Variants in OPA1 observed in about 807,000 individuals in gnomAD.
OPA1 encodes the protein OPA1 mitochondrial dynamin like GTPase.
In OPA1, 59 loss-of-function variants were observed where a neutral mutation model predicts 152.9. The ratio of observed to expected loss-of-function variants is 0.39; its 90% CI spans 0.31 to 0.48. The LOEUF (loss-of-function observed/expected upper bound fraction) is 0.48. OPA1 is among the 20% of genes least tolerant of loss of function. The pLI, the probability that OPA1 is intolerant of heterozygous loss-of-function variation, is 0.96. For synonymous variants in OPA1, 400 were observed against 389.9 expected (o/e 1.03, Z -0.31); for missense variants, 1,008 against 1,216.8 (o/e 0.83, Z 2.55).
chr3:193,668,959 G>A, intron 29 of OPA1: 1 of 695,958 alleles, frequency 1.4e-6, no homozygotes, highest in Non-Finnish European at 1.8e-6. Context: ...CTTGTTACAA[G>A]TTTCACTGAC....
At chr3:193,617,889 A>C in intron 5 of OPA1, 52 bp downstream of exon 5, 1 of 1,291,470 alleles carries the variant, frequency 7.7e-7, no homozygotes, top group Non-Finnish European at 1.1e-6. Context: ...AAATGCTTCT[A>C]ATAAACTAGT....
chr3:193,617,365 AT>A, intron 4 of OPA1, 80 bp downstream of exon 4: 5 of 823,708 alleles, frequency 6.1e-6, no homozygotes, highest in Non-Finnish European at 8.0e-6. Context: ...GTTTATTCCC[AT>A]TTTTTTAAAA....
At chr3:193,659,940 G>A (rs570490801) in intron 25 of OPA1, among the ~76,000 whole-genome samples, 1 of 152,044 alleles carries the variant, frequency 6.6e-6, no homozygotes, top group South Asian at 2.1e-4. Flanking sequence ...GAGTTAAGGA[G>A]TTCGAGACCA....
At position 193,644,400 on chromosome 3, in the gene OPA1, G is replaced by A. The variant is rs11916478; in HGVS notation, c.1608+295G>A. ...GACTCAGCTCCTAAGGTTTTCATCG[G>A]AGGTTAGTCATTTCGGCACCCTCAT... On this transcript the variant is annotated intron_variant, in intron 16 of 30. Transcript: ENST00000361510. 0.43 allele frequency among the ~76,000 whole-genome samples: 64,654 copies of A among 151,852 alleles called. 14,033 individuals are homozygous for A. Among genetic ancestry groups the A allele is most frequent in the Non-Finnish European group, 0.43 (29,457 of 67,926 alleles).
intron 1 of OPA1, among the ~76,000 whole-genome samples, chr3:193,611,459 T>A (rs1728224040): frequency 1.3e-5 from 2 of 152,018 alleles, no homozygotes; most frequent in African/African-American, 4.8e-5. Flanking sequence ...TAGCTGGGCA[T>A]GGTGGCACAC....
At chr3:193,633,476 C>T (rs1052488225) in intron 8 of OPA1, among the ~76,000 whole-genome samples, 4 of 152,176 alleles carry the variant, frequency 2.6e-5, no homozygotes, top group African/African-American at 9.7e-5. Context: ...AAATTCTACC[C>T]TCTTATATGC....
chr3:193,692,139 A>T lies in OPA1; in HGVS notation c.*5+7A>T. 1.4e-6 allele frequency: 2 copies of T among 1,440,498 alleles called. No homozygotes were observed. The highest frequency in any genetic ancestry group is 1.9e-6 in the Non-Finnish European group (2 of 1,038,558). 89.2% of individuals were successfully genotyped at this position (1,440,498 alleles called of 1,614,324 possible). A position where few individuals can be genotyped will look rare whatever the true frequency, so the allele number is the denominator to read the frequency against. On this transcript the variant is annotated splice_region_variant and intron_variant, in intron 30 of 30. Coordinates refer to ENST00000361510, the MANE Select transcript of OPA1 (RefSeq NM_130837.3). ...ATCAGGAGAAATAAATTAAGTGAGTAAAAATTCTCTAACTGTATTGGTGCT... is the reference window on the plus strand; with the variant it reads ...ATCAGGAGAAATAAATTAAGTGAGTTAAAATTCTCTAACTGTATTGGTGCT...
At chr3:193,659,387 C>G in intron 24 of OPA1, 95 bp from the exon 25 acceptor site, 1 of 1,061,076 alleles carries the variant, frequency 9.4e-7, no homozygotes. Context: ...ATTGATATAG[C>G]ACTTTGAAAT....
chr3:193,688,846 TGTG>T (rs1721302095), intron 29 of OPA1, among the ~76,000 whole-genome samples: 1 of 152,006 alleles, frequency 6.6e-6, no homozygotes, highest in African/African-American at 2.4e-5. Context: ...ATTAGCCAGG[TGTG>T]GTGCTGCATG....
At position 193,644,054 on chromosome 3, in the gene OPA1, C is replaced by A; in HGVS notation, c.1557C>A (p.Phe519Leu). Residue 519 changes from phenylalanine (F) to leucine (L), a missense_variant, in exon 16 of 31, where the codon TTC becomes TTA. Physicochemically the swap from Phe to Leu is conservative, Grantham distance 22 (BLOSUM62 0). Coordinates refer to ENST00000361510, the MANE Select transcript of OPA1 (RefSeq NM_130837.3). Reference sequence around the variant, plus strand: ...ACCCTCATGGAAGGAGAACCATATTCGTTTTGACCAAAGTAGACCTGGCAG... The same window carrying A: ...ACCCTCATGGAAGGAGAACCATATTAGTTTTGACCAAAGTAGACCTGGCAG... ...QMDPHGRRTIFVLTKVDLAEK... is the reference protein window; with the variant it reads ...QMDPHGRRTILVLTKVDLAEK... 1.2e-6 allele frequency: 2 copies of A among 1,613,680 alleles called. No individual in the cohort carries two copies. The highest frequency in any genetic ancestry group is 1.1e-5 in the South Asian group (1 of 91,062).
At chr3:193,661,869 GA>G (rs1715344813) in intron 25 of OPA1, among the ~76,000 whole-genome samples, 1 of 152,160 alleles carries the variant, frequency 6.6e-6, no homozygotes, top group Admixed American at 6.6e-5. Context: ...AGCAAACAGT[GA>G]ACTTTCTCTT....
At chr3:193,649,449 C>A (rs776198508) in intron 21 of OPA1, among the ~76,000 whole-genome samples, 5 of 152,120 alleles carry the variant, frequency 3.3e-5, no homozygotes, top group Non-Finnish European at 5.9e-5. Flanking sequence ...TGGAATGAGA[C>A]ACGGTAAAAC....
At chr3:193,643,653 G>T in intron 15 of OPA1, 26 bp downstream of exon 15, 1 of 1,541,892 alleles carries the variant, frequency 6.5e-7, no homozygotes, top group East Asian at 2.3e-5. Context: ...AGATTTTAAT[G>T]TACTGATATG....
At chr3:193,610,448 T>TG (rs747646671) in intron 1 of OPA1, among the ~76,000 whole-genome samples, 112 of 152,240 alleles carry the variant, frequency 7.4e-4, no homozygotes, top group Non-Finnish European at 1.4e-3. Context: ...CTGCCCCTAC[T>TG]GGGGGGTGCC....
intron 29 of OPA1, among the ~76,000 whole-genome samples, chr3:193,667,995 G>C (rs984723984): frequency 6.6e-6 from 1 of 152,114 alleles, no homozygotes; most frequent in East Asian, 1.9e-4. Context: ...GAATATCACT[G>C]TTCCCTGGTT....
chr3:193,673,849 C>G (rs918862678), intron 29 of OPA1, among the ~76,000 whole-genome samples: 2 of 152,168 alleles, frequency 1.3e-5, no homozygotes, highest in Admixed American at 1.3e-4. Flanking sequence ...TTGTACAGGC[C>G]TATTTTAATG....
At chr3:193,683,794 T>G (rs1426984884) in intron 29 of OPA1, among the ~76,000 whole-genome samples, 1 of 152,232 alleles carries the variant, frequency 6.6e-6, no homozygotes, top group Non-Finnish European at 1.5e-5. Context: ...ATAATGCTAT[T>G]ACACACTTAA....
In OPA1 at chr3:193,695,043, C is replaced by T. The variant is rs971197138; in HGVS notation, c.*443C>T. The stretch of plus-strand genomic sequence containing the variant: ...AAGTTATCAATTGTATATAAAATCA[C>T]AGTAGCCTGCTAAATCATTGTATGT... On this transcript the variant is annotated 3_prime_UTR_variant, in exon 31 of 31. Transcript: ENST00000361510. 6.6e-6 allele frequency: 1 copy of T among 152,190 alleles called. No individual in the cohort carries two copies. The highest frequency in any genetic ancestry group is 2.4e-5 in the African/African-American group (1 of 41,462). The allele number at this position is 152,190 out of a possible 1,614,324, so 9.4% of individuals were successfully genotyped here.
At chr3:193,607,524 C>A (rs1171366138) in intron 1 of OPA1, among the ~76,000 whole-genome samples, 1 of 152,162 alleles carries the variant, frequency 6.6e-6, no homozygotes, top group Non-Finnish European at 1.5e-5. Context: ...AATAGGGAAT[C>A]GTTTCCCCGT....
Sources: gnomAD v4.1 joint callset for allele counts (sites outside exome capture counted in the v4.1 genomes callset) on GRCh38, gnomAD v4.1.1 for gene constraint, MANE v1.5 for transcripts, NCBI Gene and HGNC (gene_info 2026-07-23, HGNC 2026-07-21) for gene names.